Variants in ADAMTS18 observed in about 807,000 individuals in gnomAD.
ADAMTS18 encodes the protein ADAM metallopeptidase with thrombospondin type 1 motif 18, also known as A disintegrin and metalloproteinase with thrombospondin motifs 18.
A neutral mutation model predicts 165.9 loss-of-function variants in ADAMTS18; 157 were observed. The observed-to-expected ratio is 0.95, with a 90% confidence interval of 0.83 to 1.08. ADAMTS18 has a LOEUF of 1.08. ADAMTS18 is among the 50% of genes least tolerant of loss of function. The pLI, the probability that ADAMTS18 is intolerant of heterozygous loss-of-function variation, is 0.00. For missense variants in ADAMTS18, 2,040 were observed against 1,534.0 expected (o/e 1.33, Z -5.51); for synonymous variants, 782 against 578.2 (o/e 1.35, Z -5.06).
At chr16:77,374,727 A>C (rs1363010395) in intron 3 of ADAMTS18, among the ~76,000 whole-genome samples, 1 of 152,184 alleles carries the variant, frequency 6.6e-6, no homozygotes, top group Non-Finnish European at 1.5e-5. Context: ...ACTCAAATGC[A>C]TAGAGAAAAC....
intron 9 of ADAMTS18, among the ~76,000 whole-genome samples, chr16:77,355,722 A>G (rs1290524134): frequency 6.6e-6 from 1 of 152,218 alleles, no homozygotes; most frequent in East Asian, 1.9e-4. Context: ...TGAGGATTGA[A>G]GGAGGAAATA....
chr16:77,378,267 G>C (rs1026117586), intron 3 of ADAMTS18, among the ~76,000 whole-genome samples: 1 of 151,788 alleles, frequency 6.6e-6, no homozygotes, highest in African/African-American at 2.4e-5. Context: ...TGAGGCTGCA[G>C]TGAGCTGTGA....
intron 10 of ADAMTS18, among the ~76,000 whole-genome samples, chr16:77,344,280 G>A (rs1436437499): frequency 6.6e-6 from 1 of 151,738 alleles, no homozygotes; most frequent in Non-Finnish European, 1.5e-5. Context: ...ACCACCAGCT[G>A]CCCCAGATGT....
intron 8 of ADAMTS18, 79 bp from the exon 9 acceptor site, chr16:77,356,156 G>A: frequency 1.3e-6 from 2 of 1,584,660 alleles, no homozygotes; most frequent in South Asian, 1.1e-5. Context: ...GAATAAAGAT[G>A]TATTGATCAT....
intron 12 of ADAMTS18, among the ~76,000 whole-genome samples, chr16:77,331,779 C>T (rs2056193338): frequency 6.6e-6 from 1 of 152,116 alleles, no homozygotes; most frequent in Non-Finnish European, 1.5e-5. Flanking sequence ...TTTGCCAGCC[C>T]ATGTCAATAG....
chr16:77,320,102 A>G lies in ADAMTS18; in HGVS notation c.2288-9T>C, dbSNP rs1213372438. The G allele has an allele frequency of 2.5e-6, 4 of 1,613,980 alleles. No individual in the cohort carries two copies. In the African/African-American group the frequency reaches 5.3e-5, roughly 22 times the overall value. On this transcript the variant is annotated splice_polypyrimidine_tract_variant and intron_variant, in intron 15 of 22. Transcript: ENST00000282849. Reference sequence around the variant, plus strand: ...GACCACCGGATAATATTCTAAATGGAAAGAAGAGAACATGTCTGAATTCCA... The same window carrying G: ...GACCACCGGATAATATTCTAAATGGGAAGAAGAGAACATGTCTGAATTCCA...
Position 77,405,622 on chromosome 16 carries a change from C to T in ADAMTS18, c.495+25673G>A, listed in dbSNP as rs116672638. Among the ~76,000 whole-genome samples, 394 of 152,266 alleles carry T rather than the reference C, an allele frequency of 2.6e-3. 1 individual carries two copies. The highest frequency in any genetic ancestry group is 9.0e-3 in the African/African-American group (372 of 41,562). ...GTATTGTCTGCCAGGACTTTCCTAA[C>T]AAAATACCATACACCATGTGGCTTA... On this transcript the variant is annotated intron_variant, in intron 3 of 22. Transcript: ENST00000282849.
chr16:77,405,704 C>T (rs184007563), intron 3 of ADAMTS18, among the ~76,000 whole-genome samples: 220 of 152,088 alleles, frequency 1.4e-3, no homozygotes, highest in African/African-American at 4.9e-3. Context: ...AATATCGAAG[C>T]TCTGGCCACT....
intron 3 of ADAMTS18, among the ~76,000 whole-genome samples, chr16:77,395,982 T>C (rs1204522097): frequency 6.6e-6 from 1 of 152,200 alleles, no homozygotes. Context: ...AGCTACTCAA[T>C]GTCATTTAGT....
chr16:77,320,007 G>C lies in ADAMTS18; in HGVS notation c.2374C>G (p.Arg792Gly). Residue 792 changes from arginine (R) to glycine (G), a missense_variant, in exon 16 of 23, where the codon CGA becomes GGA. Coordinates refer to ENST00000282849, the MANE Select transcript of ADAMTS18 (RefSeq NM_199355.4). ...LQVSSSYLAVRSLSQKYYLTG... is the reference protein window; with the variant it reads ...LQVSSSYLAVGSLSQKYYLTG... ...AGGTAATACTTTTGACTGAGGCTTC[G>C]AACTGCGAGGTAACTGGAGGAAACC... 1 of 1,614,114 alleles carries C rather than the reference G, an allele frequency of 6.2e-7. No individual in the cohort carries two copies.
chr16:77,313,570 G>A (rs866158708), intron 16 of ADAMTS18, among the ~76,000 whole-genome samples: 3 of 151,630 alleles, frequency 2.0e-5, no homozygotes, highest in Admixed American at 6.6e-5. Context: ...CTGGAGAGAC[G>A]AACAACAGAA....
At chr16:77,396,497 A>C (rs2057258745) in intron 3 of ADAMTS18, among the ~76,000 whole-genome samples, 1 of 152,246 alleles carries the variant, frequency 6.6e-6, no homozygotes. Flanking sequence ...TTTTTGAAGG[A>C]AGTCGTTATT....
At chr16:77,417,401 T>C (rs1015618282) in intron 3 of ADAMTS18, among the ~76,000 whole-genome samples, 1 of 152,152 alleles carries the variant, frequency 6.6e-6, no homozygotes, top group Non-Finnish European at 1.5e-5. Flanking sequence ...CAAAGTGACT[T>C]TGACTTTGCT....
intron 2 of ADAMTS18, among the ~76,000 whole-genome samples, chr16:77,433,643 A>G (rs1376676335): frequency 6.6e-5 from 10 of 152,238 alleles, no homozygotes; most frequent in Non-Finnish European, 1.3e-4. Context: ...TCCCCTGACA[A>G]GAAAAGGAGA....
chr16:77,355,057 T>C (rs938694272), intron 9 of ADAMTS18, among the ~76,000 whole-genome samples: 3 of 152,132 alleles, frequency 2.0e-5, no homozygotes, highest in East Asian at 3.9e-4. Context: ...CTTTAAACAT[T>C]TGCAAATAAT....
intron 22 of ADAMTS18, among the ~76,000 whole-genome samples, chr16:77,288,052 C>T (rs2055289684): frequency 6.6e-6 from 1 of 152,116 alleles, no homozygotes; most frequent in Admixed American, 6.5e-5. Context: ...TGTAGCCCTA[C>T]ACTCATGCAT....
intron 3 of ADAMTS18, among the ~76,000 whole-genome samples, chr16:77,385,804 G>T (rs1237732777): frequency 6.6e-6 from 1 of 152,138 alleles, no homozygotes; most frequent in East Asian, 1.9e-4. Context: ...GAAACAGCTG[G>T]TCCCAATTTT....
At chr16:77,330,472 T>C (rs987118607) in intron 12 of ADAMTS18, among the ~76,000 whole-genome samples, 2 of 152,160 alleles carry the variant, frequency 1.3e-5, no homozygotes, top group Non-Finnish European at 1.5e-5. Context: ...CTACCGTGAA[T>C]GGGGCCCTCT....
Position 77,320,031 on chromosome 16 carries a change from C to A in ADAMTS18, c.2350G>T (p.Val784Phe), listed in dbSNP as rs1347280407. ...ARSIEIQELQ[V>F]SSSYLAVRSL... ...CGAACTGCGAGGTAACTGGAGGAAA[C>A]CTGCAGCTCCTGGATTTCGATGCTT... The change falls in exon 16 of 23, where the codon GTT becomes TTT. Residue 784 changes from valine to phenylalanine, a missense_variant. Val to Phe is a conservative substitution (Grantham distance 50). Transcript: ENST00000282849. 1 of 1,613,998 alleles carries A rather than the reference C, an allele frequency of 6.2e-7. No individual in the cohort carries two copies. The highest frequency in any genetic ancestry group is 1.3e-5 in the African/African-American group (1 of 74,922).
Sources: gnomAD v4.1 joint callset for allele counts (sites outside exome capture counted in the v4.1 genomes callset) on GRCh38, gnomAD v4.1.1 for gene constraint, MANE v1.5 for transcripts, NCBI Gene and HGNC (gene_info 2026-07-23, HGNC 2026-07-21) for gene names.